The following HOMER2 variants were observed in gnomAD, a reference collection of about 807,000 sequenced individuals.
HOMER2 encodes homer protein homolog 2.
HOMER2 carries 27 observed loss-of-function variants against 47.0 expected under a neutral mutation model. The ratio of observed to expected loss-of-function variants is 0.57; its 90% CI spans 0.42 to 0.79. The LOEUF (loss-of-function observed/expected upper bound fraction) is 0.79. HOMER2 is among the 30% of genes least tolerant of loss of function. The probability of loss-of-function intolerance (pLI) is 0.00; values close to 1 mark genes in which losing one functional copy is unlikely to be tolerated. For missense variants in HOMER2, 443 were observed against 435.0 expected, an observed-to-expected ratio of 1.02 and a Z score of -0.16; for synonymous variants, 161 against 163.8, an observed-to-expected ratio of 0.98 and a Z score of 0.13.
At chr15:82,984,427 AC>A (rs2151266583) in intron 1 of HOMER2, among the ~76,000 whole-genome samples, 1 of 152,320 alleles carries the variant, frequency 6.6e-6, no homozygotes, top group Non-Finnish European at 1.5e-5. Context: ...TATCCTATAT[AC>A]TTTTGCTAGG....
chr15:82,919,953 G>A (rs533876881), intron 1 of HOMER2, among the ~76,000 whole-genome samples: 1 of 152,310 alleles, frequency 6.6e-6, no homozygotes, highest in South Asian at 2.1e-4. Flanking sequence ...TCTCTATCGA[G>A]GAAAGAAACA....
intron 1 of HOMER2, among the ~76,000 whole-genome samples, chr15:82,971,921 TTTTCCAGGCC>T (rs1483692559): frequency 2.0e-5 from 3 of 152,146 alleles, no homozygotes; most frequent in African/African-American, 7.2e-5. Flanking sequence ...GCCCTTAAGG[TTTTCCAGGCC>T]TAAATCTCCT....
intron 1 of HOMER2, among the ~76,000 whole-genome samples, chr15:82,963,731 G>A (rs1231107413): frequency 6.6e-6 from 1 of 152,192 alleles, no homozygotes; most frequent in East Asian, 1.9e-4. Context: ...GCCTGGAGCT[G>A]TGAAGGTAAA....
rs528346136 is a variant in HOMER2 at position 82,942,252 on chromosome 15, G to A, written c.5+10279C>T. Among the ~76,000 whole-genome samples the A allele has an allele frequency of 7.0e-4, 106 of 152,278 alleles. 1 individual carries two copies. Among genetic ancestry groups the A allele is most frequent in the Non-Finnish European group, 9.0e-4 (61 of 68,022 alleles). ...CAGGAAGGCAGGGACTCTGTCTTACGACCTGTCTTCCTGGTGTCTAGCCCA... is the reference window on the plus strand; with the variant it reads ...CAGGAAGGCAGGGACTCTGTCTTACAACCTGTCTTCCTGGTGTCTAGCCCA... On this transcript the variant is annotated intron_variant, in intron 1 of 8. Transcript: ENST00000450735.
At chr15:82,907,090 C>G (rs1009457969) in intron 1 of HOMER2, among the ~76,000 whole-genome samples, 1 of 152,208 alleles carries the variant, frequency 6.6e-6, no homozygotes, top group African/African-American at 2.4e-5. Flanking sequence ...TGCGGTGGCT[C>G]ACGCCTATAA....
chr15:82,931,666 G>A (rs923124275), intron 1 of HOMER2, among the ~76,000 whole-genome samples: 38 of 151,852 alleles, frequency 2.5e-4, no homozygotes, highest in African/African-American at 8.2e-4. Flanking sequence ...GTGAAACCCC[G>A]TCTCTACTAA....
Position 82,941,367 on chromosome 15 carries a change from C to T in HOMER2, c.5+11164G>A, listed in dbSNP as rs551217636. Among the ~76,000 whole-genome samples the T allele has an allele frequency of 3.4e-5, 5 of 147,312 alleles. No individual in the cohort carries two copies. In the South Asian group the frequency reaches 6.5e-4, roughly 19 times the overall value. ...GCTGAGGCGCAAGAATCGCTTGAACCGGGAGGCAGAGGCTGCGGTGAGCCA... is the reference window on the plus strand; with the variant it reads ...GCTGAGGCGCAAGAATCGCTTGAACTGGGAGGCAGAGGCTGCGGTGAGCCA... On this transcript the variant is annotated intron_variant, in intron 1 of 8. Transcript: ENST00000450735.
intron 1 of HOMER2, among the ~76,000 whole-genome samples, chr15:82,951,336 C>T (rs2054501164): frequency 6.6e-6 from 1 of 152,198 alleles, no homozygotes; most frequent in Admixed American, 6.5e-5. Flanking sequence ...CTTGGCCTGC[C>T]TCTGATCCCC....
At chr15:82,864,313 A>G (rs1052420815) in intron 3 of HOMER2, 54 bp from the exon 4 acceptor site, 15 of 1,188,386 alleles carry the variant, frequency 1.3e-5, no homozygotes, top group African/African-American at 3.0e-5. Context: ...CATGGCTGGT[A>G]TTCAGAACCC....
chr15:82,952,416 G>T (rs917483047), intron 1 of HOMER2, 115 bp downstream of exon 1: 2 of 738,220 alleles, frequency 2.7e-6, no homozygotes, highest in Non-Finnish European at 1.8e-6. Flanking sequence ...GCTCGCTCCG[G>T]CTTGGGGAGG....
At chr15:82,902,992 G>A (rs547936772) in intron 1 of HOMER2, among the ~76,000 whole-genome samples, 1 of 152,188 alleles carries the variant, frequency 6.6e-6, no homozygotes, top group Admixed American at 6.5e-5. Context: ...TTTTATGATC[G>A]GTTGATCTTC....
chr15:82,859,738 G>A (rs2051710702), intron 4 of HOMER2, among the ~76,000 whole-genome samples: 2 of 152,174 alleles, frequency 1.3e-5, no homozygotes, highest in Admixed American at 6.5e-5. Flanking sequence ...ATACCACGTA[G>A]AGGTGAAATC....
chr15:82,985,152 T>C (rs922909323), intron 1 of HOMER2, among the ~76,000 whole-genome samples: 2 of 152,190 alleles, frequency 1.3e-5, no homozygotes, highest in African/African-American at 2.4e-5. Flanking sequence ...AATTTATGCA[T>C]GACGTACTTC....
intron 1 of HOMER2, among the ~76,000 whole-genome samples, chr15:82,921,557 G>T (rs1476587313): frequency 1.3e-5 from 2 of 152,198 alleles, no homozygotes; most frequent in Admixed American, 1.3e-4. Flanking sequence ...TCTTGGCTCT[G>T]CCAGTGGAGT....
exon 2 of HOMER2, chr15:82,837,845 G>C (rs1046230736): frequency 6.6e-6 from 1 of 152,288 alleles, no homozygotes; most frequent in Non-Finnish European, 1.5e-5. Context: ...GCCTGGGCAT[G>C]AGGGTGCACA....
chr15:82,873,130 C>T (rs531122281), intron 3 of HOMER2, among the ~76,000 whole-genome samples: 184 of 152,242 alleles, frequency 1.2e-3, no homozygotes, highest in African/African-American at 4.3e-3. Context: ...ACACATACTC[C>T]TGCTCTCCAC....
At chr15:82,930,125 T>C (rs1193874356) in intron 1 of HOMER2, among the ~76,000 whole-genome samples, 2 of 152,202 alleles carry the variant, frequency 1.3e-5, no homozygotes. Context: ...ACTATAAAAG[T>C]CTCACAAAAT....
chr15:82,902,682 G>A (rs1045053043), intron 1 of HOMER2, among the ~76,000 whole-genome samples: 14 of 152,164 alleles, frequency 9.2e-5, no homozygotes, highest in African/African-American at 3.1e-4. Context: ...ACAAATTATG[G>A]AAGACGTCAT....
At chr15:82,838,987 T>C (rs2051151536) in exon 2 of HOMER2, 1 of 152,180 alleles carries the variant, frequency 6.6e-6, no homozygotes, top group African/African-American at 2.4e-5. Context: ...GGGCTGTGTA[T>C]GGTGGCTTGC....
Sources: gnomAD v4.1 joint callset for allele counts (sites outside exome capture counted in the v4.1 genomes callset) on GRCh38, gnomAD v4.1.1 for gene constraint, MANE v1.5 for transcripts, NCBI Gene and HGNC (gene_info 2026-07-23, HGNC 2026-07-21) for gene names.